Variants in PTPRR observed in about 807,000 individuals in gnomAD.
The protein encoded by PTPRR is receptor-type tyrosine-protein phosphatase R.
Under a neutral mutation model 77.2 loss-of-function variants are expected in PTPRR, and 38 were observed. That is an observed-to-expected ratio of 0.49 (90% confidence interval 0.38 to 0.65). PTPRR has a LOEUF of 0.65. Ranked by LOEUF, PTPRR falls within the 30% of genes least tolerant of loss-of-function variation. The pLI is 0.00. For synonymous variants in PTPRR, 299 were observed against 283.1 expected, an observed-to-expected ratio of 1.06 and a Z score of -0.57; for missense variants, 744 against 799.2, an observed-to-expected ratio of 0.93 and a Z score of 0.83.
intron 1 of PTPRR, among the ~76,000 whole-genome samples, chr12:70,915,842 T>C (rs527275042): frequency 6.6e-6 from 1 of 152,242 alleles, no homozygotes; most frequent in East Asian, 1.9e-4. Flanking sequence ...TAAGAAGATA[T>C]TAAATGCAAA....
intron 1 of PTPRR, 83 bp from the exon 2 acceptor site, chr12:70,893,060 T>C: frequency 2.8e-6 from 4 of 1,417,326 alleles, no homozygotes; most frequent in Non-Finnish European, 3.8e-6. Flanking sequence ...AGGATTACCC[T>C]TTCTTGAGAG....
intron 10 of PTPRR, among the ~76,000 whole-genome samples, chr12:70,674,216 T>G (rs991716116): frequency 1.3e-5 from 2 of 152,214 alleles, no homozygotes; most frequent in African/African-American, 4.8e-5. Context: ...ATTACAGAAA[T>G]GAGCCACCAT....
At chr12:70,879,751 A>C (rs746252972) in intron 2 of PTPRR, among the ~76,000 whole-genome samples, 23 of 152,316 alleles carry the variant, frequency 1.5e-4, no homozygotes, top group South Asian at 1.0e-3. Flanking sequence ...ACTGATTGCT[A>C]TTTTGGCGTA....
intron 2 of PTPRR, among the ~76,000 whole-genome samples, chr12:70,800,697 C>T (rs1891599127): frequency 6.6e-6 from 1 of 151,984 alleles, no homozygotes; most frequent in Non-Finnish European, 1.5e-5. Context: ...GAGTTCAAGT[C>T]CAGTCTGGCC....
At chr12:70,919,340 T>C (rs181302285) in intron 1 of PTPRR, among the ~76,000 whole-genome samples, 129 of 152,342 alleles carry the variant, frequency 8.5e-4, no homozygotes, top group African/African-American at 3.0e-3. Context: ...ACAGGACTAC[T>C]GCATGGACAA....
chr12:70,769,992 T>C (rs1172404688), intron 2 of PTPRR, among the ~76,000 whole-genome samples: 1 of 152,094 alleles, frequency 6.6e-6, no homozygotes, highest in African/African-American at 2.4e-5. Context: ...TCCTTACACC[T>C]TATACAAAAA....
chr12:70,793,168 A>AAACAATAGC (rs199984630), intron 2 of PTPRR, among the ~76,000 whole-genome samples: 1,750 of 152,314 alleles, frequency 0.011, 34 homozygotes, highest in African/African-American at 0.038. Flanking sequence ...TTAACAGCAG[A>AAACAATAGC]AACAATAGCA....
At chr12:70,754,154 T>C (rs774130247) in intron 5 of PTPRR, 37 bp downstream of exon 5, 1 of 1,594,754 alleles carries the variant, frequency 6.3e-7, no homozygotes, top group Non-Finnish European at 8.6e-7. Context: ...AGCAGTGGGC[T>C]GAGCAAAGGA....
intron 6 of PTPRR, among the ~76,000 whole-genome samples, chr12:70,734,023 G>T (rs193166159): frequency 6.6e-6 from 1 of 152,174 alleles, no homozygotes; most frequent in Admixed American, 6.6e-5. Context: ...GTCTCTGGCT[G>T]CAAGGAAAAA....
At chr12:70,773,111 T>A (rs929491902) in intron 2 of PTPRR, among the ~76,000 whole-genome samples, 2 of 152,172 alleles carry the variant, frequency 1.3e-5, no homozygotes, top group African/African-American at 2.4e-5. Context: ...TGTCTTCACG[T>A]CTTCCCTCTG....
chr12:70,886,669 G>A (rs985080395), intron 2 of PTPRR, among the ~76,000 whole-genome samples: 4 of 152,162 alleles, frequency 2.6e-5, no homozygotes, highest in South Asian at 4.1e-4. Flanking sequence ...GAGAGAAAAT[G>A]TAAAACGAGA....
chr12:70,880,915 A>G (rs1893139174), intron 2 of PTPRR, among the ~76,000 whole-genome samples: 1 of 152,052 alleles, frequency 6.6e-6, no homozygotes, highest in African/African-American at 2.4e-5. Context: ...TATCAATTTG[A>G]TTTTTTATTT....
intron 5 of PTPRR, among the ~76,000 whole-genome samples, chr12:70,750,419 T>C (rs1890354102): frequency 1.3e-5 from 2 of 152,188 alleles, no homozygotes; most frequent in Non-Finnish European, 2.9e-5. Flanking sequence ...AACAAAACTA[T>C]GGGAAACAGA....
chr12:70,872,707 A>C (rs1230359980), intron 2 of PTPRR, among the ~76,000 whole-genome samples: 2 of 149,456 alleles, frequency 1.3e-5, no homozygotes, highest in East Asian at 2.0e-4. Context: ...AAAAAAAAAA[A>C]AAAAAAAAAA....
At chr12:70,856,563 C>T (rs1892655084) in intron 2 of PTPRR, among the ~76,000 whole-genome samples, 1 of 152,036 alleles carries the variant, frequency 6.6e-6, no homozygotes, top group South Asian at 2.1e-4. Context: ...TGATAGTGAA[C>T]CATTATAGAA....
chr12:70,775,979 A>G lies in PTPRR; in HGVS notation c.358-11201T>C, dbSNP rs181861645. ...CAATTCTCTGCACTTGTCCTCTGCT[A>G]TTAGTTACAGATTAATTATTTTTAT... is the stretch of plus-strand genomic sequence containing the variant. On this transcript the variant is annotated intron_variant, in intron 2 of 13. Coordinates refer to ENST00000283228, the MANE Select transcript of PTPRR (RefSeq NM_002849.4). Among the ~76,000 whole-genome samples the G allele has an allele frequency of 1.5e-3, 233 of 152,190 alleles. 2 individuals carry two copies. The highest frequency in any genetic ancestry group is 4.8e-3 in the African/African-American group (200 of 41,524).
intron 5 of PTPRR, among the ~76,000 whole-genome samples, chr12:70,746,573 A>G (rs1890220701): frequency 6.6e-6 from 1 of 152,202 alleles, no homozygotes; most frequent in African/African-American, 2.4e-5. Context: ...TGCATTAGTC[A>G]TATATCAACT....
At chr12:70,736,172 A>G (rs1240251485) in intron 6 of PTPRR, among the ~76,000 whole-genome samples, 1 of 152,218 alleles carries the variant, frequency 6.6e-6, no homozygotes, top group Non-Finnish European at 1.5e-5. Context: ...GGCAAAAATC[A>G]GATTAAGGAA....
intron 2 of PTPRR, among the ~76,000 whole-genome samples, chr12:70,827,048 A>G (rs1892121385): frequency 6.6e-6 from 1 of 152,202 alleles, no homozygotes; most frequent in Non-Finnish European, 1.5e-5. Context: ...TGTTAGCTCC[A>G]CAGGACACCT....
Sources: gnomAD v4.1 joint callset for allele counts (sites outside exome capture counted in the v4.1 genomes callset) on GRCh38, gnomAD v4.1.1 for gene constraint, MANE v1.5 for transcripts, NCBI Gene and HGNC (gene_info 2026-07-23, HGNC 2026-07-21) for gene names.